Variants in CDK5RAP2 observed in about 807,000 individuals in gnomAD.
The protein encoded by CDK5RAP2 is CDK5 regulatory subunit-associated protein 2.
Under a neutral mutation model 232.9 loss-of-function variants are expected in CDK5RAP2, and 147 were observed. The observed-to-expected ratio is 0.63, with a 90% CI of 0.55 to 0.72. CDK5RAP2 has a LOEUF of 0.72. Ranked by LOEUF, CDK5RAP2 falls within the 30% of genes least tolerant of loss-of-function variation. The pLI, the probability that CDK5RAP2 is intolerant of heterozygous loss-of-function variation, is 0.00. For missense variants in CDK5RAP2, 2,195 were observed against 2,231.5 expected (o/e 0.98, Z 0.33); for synonymous variants, 833 against 833.7 (o/e 1.00, Z 0.01).
At chr9:120,421,487 G>A (rs1265634373) in intron 26 of CDK5RAP2, among the ~76,000 whole-genome samples, 2 of 152,138 alleles carry the variant, frequency 1.3e-5, no homozygotes, top group East Asian at 1.9e-4. Flanking sequence ...CTGCCCACTC[G>A]CTCTAACGAT....
chr9:120,578,129 C>A (rs1026320947), intron 1 of CDK5RAP2, among the ~76,000 whole-genome samples: 1 of 151,988 alleles, frequency 6.6e-6, no homozygotes, highest in Non-Finnish European at 1.5e-5. Context: ...TAGCCACGCA[C>A]GGTGGTGCAC....
intron 35 of CDK5RAP2, among the ~76,000 whole-genome samples, chr9:120,400,132 GAT>G (rs997246967): frequency 1.4e-4 from 21 of 152,282 alleles, no homozygotes; most frequent in Admixed American, 8.5e-4. Context: ...AGGTTTCTCT[GAT>G]TAGCCAGAGT....
At chr9:120,540,877 GA>G (rs1359395025) in intron 5 of CDK5RAP2, among the ~76,000 whole-genome samples, 2 of 152,252 alleles carry the variant, frequency 1.3e-5, no homozygotes, top group Non-Finnish European at 2.9e-5. Context: ...CATGCTGTGA[GA>G]GGCCTCATGC....
chr9:120,433,479 A>G (rs1725445101), intron 25 of CDK5RAP2, among the ~76,000 whole-genome samples: 1 of 152,244 alleles, frequency 6.6e-6, no homozygotes, highest in South Asian at 2.1e-4. Context: ...TACAGGTGAA[A>G]GAAGAAACTG....
At chr9:120,389,355 C>G in intron 37 of CDK5RAP2, 63 bp from the exon 38 acceptor site, 3 of 1,313,452 alleles carry the variant, frequency 2.3e-6, no homozygotes, top group Non-Finnish European at 3.3e-6. Flanking sequence ...AAGTAAGACC[C>G]CGACAGAGGT....
Position 120,403,109 on chromosome 9 carries a change from G to GT in CDK5RAP2, c.5042-39dup, listed in dbSNP as rs375946575. The GT allele has an allele frequency of 3.2e-4, 512 of 1,608,268 alleles. 2 individuals are homozygous for GT. In the African/African-American group the frequency reaches 6.2e-3, roughly 20 times the overall value. ...AAGTAGGATGTAAAATCTGTTTCAGGTAACACTCTGCGTTCAAGACGCTTA... is the reference window on the plus strand; with the variant it reads ...AAGTAGGATGTAAAATCTGTTTCAGGTTAACACTCTGCGTTCAAGACGCTTA... On this transcript the variant is annotated intron_variant, in intron 33 of 37. Coordinates refer to ENST00000349780, the MANE Select transcript of CDK5RAP2 (RefSeq NM_018249.6). The surrounding 1 kb of genome is among the most constrained non-coding windows in gnomAD (Gnocchi z 4.2).
chr9:120,487,554 T>C (rs2038680409), intron 13 of CDK5RAP2, 117 bp from the exon 14 acceptor site: 1 of 754,780 alleles, frequency 1.3e-6, no homozygotes, highest in Non-Finnish European at 2.1e-6. Context: ...CTATATCCCC[T>C]ACATAATTTT....
At chr9:120,509,761 A>G (rs117838418) in intron 12 of CDK5RAP2, among the ~76,000 whole-genome samples, 7 of 152,318 alleles carry the variant, frequency 4.6e-5, no homozygotes, top group Non-Finnish European at 1.0e-4. Flanking sequence ...TTATTCTGAT[A>G]AGAAATGGGC....
In CDK5RAP2 at chr9:120,580,104, C is replaced by G; in HGVS notation, c.-126G>C. 1 of 601,000 alleles carries G rather than the reference C, an allele frequency of 1.7e-6. No individual in the cohort carries two copies. Among genetic ancestry groups the G allele is most frequent in the Non-Finnish European group, 3.0e-6 (1 of 331,452 alleles). 37.2% of individuals were successfully genotyped at this position (601,000 alleles called of 1,614,324 possible). A position where few individuals can be genotyped will look rare whatever the true frequency, so the allele number is the denominator to read the frequency against. ...ACCCCAGCTCTTGTTCAGACTCTGG[C>G]GGCGCCGCTGGAATTCAAACCACAG... is the stretch of plus-strand genomic sequence containing the variant. On this transcript the variant is annotated 5_prime_UTR_variant, in exon 1 of 38. Coordinates refer to ENST00000349780, the MANE Select transcript of CDK5RAP2 (RefSeq NM_018249.6).
intron 3 of CDK5RAP2, among the ~76,000 whole-genome samples, chr9:120,564,496 AT>A (rs148723458): frequency 0.014 from 2,102 of 145,042 alleles, 244 homozygotes; most frequent in African/African-American, 0.04. Context: ...TCTCAAAAAA[AT>A]AAAAAAATAA....
intron 25 of CDK5RAP2, among the ~76,000 whole-genome samples, chr9:120,429,421 C>T (rs2131423153): frequency 6.6e-6 from 1 of 152,258 alleles, no homozygotes; most frequent in South Asian, 2.1e-4. Context: ...TCTCAGGATA[C>T]AAAATCGATG....
At chr9:120,539,920 C>T (rs966340169) in intron 5 of CDK5RAP2, among the ~76,000 whole-genome samples, 3 of 152,184 alleles carry the variant, frequency 2.0e-5, no homozygotes, top group African/African-American at 7.2e-5. Flanking sequence ...TGCAAAGGAG[C>T]AGTATGCAAC....
intron 12 of CDK5RAP2, among the ~76,000 whole-genome samples, chr9:120,496,803 T>G (rs1224350478): frequency 2.8e-5 from 3 of 108,868 alleles, no homozygotes; most frequent in Non-Finnish European, 5.6e-5. Context: ...TCAGCCCCCC[T>G]GCCCGGCCAG....
At chr9:120,474,714 TGAAGAATAAATAGTAAAA>T (rs934003587) in intron 15 of CDK5RAP2, among the ~76,000 whole-genome samples, 3 of 152,200 alleles carry the variant, frequency 2.0e-5, no homozygotes, top group Admixed American at 2.0e-4. Flanking sequence ...AGTGCTGCTG[TGAAGAATAAATAGTAAAA>T]GTGAAAGGAT....
intron 5 of CDK5RAP2, among the ~76,000 whole-genome samples, chr9:120,542,501 A>G (rs1451426453): frequency 6.6e-6 from 1 of 152,138 alleles, no homozygotes; most frequent in Non-Finnish European, 1.5e-5. Flanking sequence ...ATCTCAAAAA[A>G]AAAAAAAAAA....
At chr9:120,500,761 A>G (rs979510130) in intron 12 of CDK5RAP2, among the ~76,000 whole-genome samples, 3 of 152,184 alleles carry the variant, frequency 2.0e-5, no homozygotes, top group African/African-American at 7.2e-5. Context: ...TAGCTACCAT[A>G]CTAATGCCAT....
At chr9:120,569,248 T>C (rs2042758578) in intron 2 of CDK5RAP2, among the ~76,000 whole-genome samples, 2 of 152,208 alleles carry the variant, frequency 1.3e-5, no homozygotes, top group African/African-American at 2.4e-5. Flanking sequence ...GAGAATCCAC[T>C]TTCTGCTAGG....
chr9:120,521,790 C>T lies in CDK5RAP2; in HGVS notation c.1093-3145G>A, dbSNP rs373637454. Among the ~76,000 whole-genome samples, 122 of 151,856 alleles carry T rather than the reference C, an allele frequency of 8.0e-4. No homozygotes were observed. In the Middle Eastern group the frequency reaches 0.01, roughly 13 times the overall value. On this transcript the variant is annotated intron_variant, in intron 11 of 37. Transcript: ENST00000349780. ...CCTCCCGAGTAGCTGGGACTACAGG[C>T]GCCCACCACCACACCTGGCTAATTT...
rs375153661 is a variant in CDK5RAP2 at position 120,465,197 on chromosome 9, C to T, written c.2106+2663G>A. ...TGCCAGGACCTGTGCCACATGCTTT[C>T]TTTACACAGAGCCTATAATCAGAGG... is the stretch of plus-strand genomic sequence containing the variant. On this transcript the variant is annotated intron_variant, in intron 18 of 37. Transcript: ENST00000349780. Among the ~76,000 whole-genome samples the T allele has an allele frequency of 3.0e-3, 460 of 152,284 alleles. 2 individuals are homozygous for T. Among genetic ancestry groups the T allele is most frequent in the Non-Finnish European group, 4.8e-3 (328 of 68,028 alleles).
Sources: gnomAD v4.1 joint callset for allele counts (sites outside exome capture counted in the v4.1 genomes callset) on GRCh38, gnomAD v4.1.1 for gene constraint, Gnocchi (gnomAD v3.1) non-coding constraint, MANE v1.5 for transcripts, NCBI Gene and HGNC (gene_info 2026-07-23, HGNC 2026-07-21) for gene names.